Variants in KATNAL1 observed in about 807,000 individuals in gnomAD.
The protein encoded by KATNAL1 is katanin p60 ATPase-containing subunit A-like 1.
In KATNAL1, 32 loss-of-function variants were observed where a neutral mutation model predicts 55.2. The observed-to-expected ratio is 0.58, with a 90% CI of 0.44 to 0.78. The LOEUF (loss-of-function observed/expected upper bound fraction) is 0.78, where lower values mean the gene tolerates loss of function less well. KATNAL1 is among the 30% of genes least tolerant of loss of function. The pLI, the probability that KATNAL1 is intolerant of heterozygous loss-of-function variation, is 0.00. For missense variants in KATNAL1, 466 were observed against 600.9 expected, an observed-to-expected ratio of 0.78 and a Z score of 2.35; for synonymous variants, 193 against 193.6, an observed-to-expected ratio of 1.00 and a Z score of 0.02.
chr13:30,296,644 G>A (rs1882520421), intron 1 of KATNAL1: 1 of 687,058 alleles, frequency 1.5e-6, no homozygotes, highest in Non-Finnish European at 2.8e-6. Flanking sequence ...GACGAGCACA[G>A]GGAAGTTTGT....
At position 30,207,526 on chromosome 13, in the gene KATNAL1, AAAATC is replaced by A. The variant is rs1873261706; in HGVS notation, c.*1009_*1013del. The A allele has an allele frequency of 6.6e-6, 1 of 152,248 alleles. No individual in the cohort carries two copies. The highest frequency in any genetic ancestry group is 2.1e-4 in the South Asian group (1 of 4,836). The allele number at this position is 152,248 out of a possible 1,614,324, so 9.4% of individuals were successfully genotyped here. A position where few individuals can be genotyped will look rare whatever the true frequency, so the allele number is the denominator to read the frequency against. On this transcript the variant is annotated 3_prime_UTR_variant, in exon 11 of 11. Transcript: ENST00000380615. ...TGTAAAAGTATTTATCTCAAATACT[AAAATC>A]AAACTCAAGAAAAATCAAACAATGC...
intron 2 of KATNAL1, among the ~76,000 whole-genome samples, chr13:30,282,993 G>A (rs1478748925): frequency 1.3e-5 from 2 of 149,310 alleles, no homozygotes; most frequent in African/African-American, 4.9e-5. Context: ...AAATGGGCCA[G>A]GTACAGCGGC....
At chr13:30,250,374 TG>T (rs1878184497) in intron 4 of KATNAL1, among the ~76,000 whole-genome samples, 1 of 152,256 alleles carries the variant, frequency 6.6e-6, no homozygotes, top group Non-Finnish European at 1.5e-5. Context: ...AGCTCTAGCA[TG>T]TTTTTATTGT....
chr13:30,259,852 G>C (rs1191455888), intron 3 of KATNAL1, among the ~76,000 whole-genome samples: 2 of 152,224 alleles, frequency 1.3e-5, no homozygotes, highest in African/African-American at 2.4e-5. Context: ...CGGGAAGCTC[G>C]AACTGGGTGG....
chr13:30,225,991 T>C (rs899896373), intron 9 of KATNAL1, among the ~76,000 whole-genome samples: 2 of 152,060 alleles, frequency 1.3e-5, no homozygotes, highest in Non-Finnish European at 2.9e-5. Context: ...AATGACACTA[T>C]ACAAAAAGTA....
chr13:30,288,983 G>C (rs778491218), intron 1 of KATNAL1, among the ~76,000 whole-genome samples: 3 of 152,136 alleles, frequency 2.0e-5, no homozygotes, highest in Non-Finnish European at 4.4e-5. Flanking sequence ...CACTTTCACA[G>C]CTTTATTTGT....
Position 30,206,929 on chromosome 13 carries a change from AAAG to A in KATNAL1, c.*1608_*1610del, listed in dbSNP as rs1162163227. Reference sequence around the variant, plus strand: ...TGGCATCTTATAATCTGTGTCTCAGAAAGAAGGGCAATTTACAGCATCAGATGA... The same window carrying A: ...TGGCATCTTATAATCTGTGTCTCAGAAAGGGCAATTTACAGCATCAGATGA... On this transcript the variant is annotated 3_prime_UTR_variant, in exon 11 of 11. Transcript: ENST00000380615. 6.6e-6 allele frequency: 1 copy of A among 152,218 alleles called. No individual in the cohort carries two copies. The highest frequency in any genetic ancestry group is 2.4e-5 in the African/African-American group (1 of 41,464). The allele number at this position is 152,218 out of a possible 1,614,324, so 9.4% of individuals were successfully genotyped here.
Position 30,269,577 on chromosome 13 carries a change from G to C in KATNAL1, c.323+10486C>G, listed in dbSNP as rs1370034553. On this transcript the variant is annotated intron_variant, in intron 3 of 10. Coordinates refer to ENST00000380615, the MANE Select transcript of KATNAL1 (RefSeq NM_032116.5). The stretch of plus-strand genomic sequence containing the variant: ...CCCCTCTGCCTGGCTGCCCAGTCTG[G>C]AAAGTGAGGAGCGTCTCTGCCCGGC... 2.7e-5 allele frequency among the ~76,000 whole-genome samples: 4 copies of C among 147,086 alleles called. No homozygotes were observed. The East Asian group carries it at 8.1e-4, about 30-fold the overall frequency.
chr13:30,250,397 CTTATTCT>C (rs1878186656), intron 4 of KATNAL1, among the ~76,000 whole-genome samples: 1 of 152,130 alleles, frequency 6.6e-6, no homozygotes, highest in Non-Finnish European at 1.5e-5. Flanking sequence ...TCATTATCAT[CTTATTCT>C]TTAATGTGTA....
At chr13:30,286,891 G>A (rs1250367489) in intron 1 of KATNAL1, among the ~76,000 whole-genome samples, 1 of 152,232 alleles carries the variant, frequency 6.6e-6, no homozygotes, top group Non-Finnish European at 1.5e-5. Flanking sequence ...GGAGTCAAAG[G>A]AGATAATTTT....
chr13:30,227,441 T>C lies in KATNAL1; in HGVS notation c.1118A>G (p.Glu373Gly). The C allele has an allele frequency of 6.2e-7, 1 of 1,614,082 alleles. No homozygotes were observed. Residue 373 changes from glutamate to glycine, a missense_variant, in exon 9 of 11, where the codon GAA becomes GGA. This residue lies in a region of KATNAL1 where 213 missense variants were observed against 308.6 expected (regional missense o/e 0.69). Transcript: ENST00000380615. The stretch of plus-strand genomic sequence containing the variant: ...TGGGAGAGGTATATATATCCTTTTT[T>C]CTAACCTTCTTCGCAAAGCTTCATC... ...DIDEALRRRL[E>G]KRIYIPLPTA...
chr13:30,225,677 C>G (rs1875396441), intron 9 of KATNAL1, among the ~76,000 whole-genome samples: 1 of 141,650 alleles, frequency 7.1e-6, no homozygotes, highest in South Asian at 2.1e-4. Flanking sequence ...CACACACACA[C>G]ACACACACAA....
rs556373334 is a variant in KATNAL1 at position 30,210,565 on chromosome 13, G to A, written c.1148-123C>T. On this transcript the variant is annotated intron_variant, in intron 9 of 10. Coordinates refer to ENST00000380615, the MANE Select transcript of KATNAL1 (RefSeq NM_032116.5). ...TGCAAAGAAGAGTCAATAACTGTGT[G>A]TCCATTAGTATTATTACCAATTCAC... is the stretch of plus-strand genomic sequence containing the variant. 209 of 611,976 alleles carry A rather than the reference G, an allele frequency of 3.4e-4. 1 individual carries two copies. The South Asian group carries it at 4.4e-3, about 13-fold the overall frequency. 37.9% of individuals were successfully genotyped at this position (611,976 alleles called of 1,614,324 possible). A position where few individuals can be genotyped will look rare whatever the true frequency, so the allele number is the denominator to read the frequency against.
At chr13:30,253,202 T>G (rs533493383) in intron 4 of KATNAL1, among the ~76,000 whole-genome samples, 1 of 152,228 alleles carries the variant, frequency 6.6e-6, no homozygotes, top group Non-Finnish European at 1.5e-5. Flanking sequence ...CTGAGTCAAA[T>G]ATACCTTTCA....
At chr13:30,259,034 T>C (rs1483627770) in intron 3 of KATNAL1, among the ~76,000 whole-genome samples, 1 of 152,220 alleles carries the variant, frequency 6.6e-6, no homozygotes, top group East Asian at 1.9e-4. Context: ...CACTATGCTA[T>C]ACAACGTAAA....
intron 1 of KATNAL1, among the ~76,000 whole-genome samples, chr13:30,299,523 C>T (rs773594269): frequency 2.1e-4 from 32 of 152,114 alleles, no homozygotes; most frequent in Non-Finnish European, 2.1e-4. Flanking sequence ...AGAAGCTATA[C>T]TAAAATTATT....
rs201826018 is a variant in KATNAL1, at chr13:30,230,677, CA to C, written c.886-84del. 3.3e-3 allele frequency: 3,258 copies of C among 992,726 alleles called. 80 individuals are homozygous for C. The African/African-American group carries it at 0.046, about 14-fold the overall frequency. 61.5% of individuals were successfully genotyped at this position (992,726 alleles called of 1,614,324 possible). ...TTAAAAAAATCTTTTAAAACAATGG[CA>C]AAAGAGAGCAGAAACTTCTCACTGT... On this transcript the variant is annotated intron_variant, in intron 7 of 10. Transcript: ENST00000380615.
chr13:30,294,547 A>G lies in KATNAL1; in HGVS notation c.-14-10756T>C, dbSNP rs1330009799. On this transcript the variant is annotated intron_variant, in intron 1 of 10. Transcript: ENST00000380615. ...ACTGGTTTATGAGGTTTAAGGAAAG[A>G]AGCCTTTTCCATAACACAAAAGTGC... Among the ~76,000 whole-genome samples the G allele has an allele frequency of 2.0e-5, 3 of 152,260 alleles. No homozygotes were observed. The East Asian group carries it at 5.8e-4, about 29-fold the overall frequency.
At chr13:30,296,071 C>A in intron 1 of KATNAL1, 1 of 265,108 alleles carries the variant, frequency 3.8e-6, no homozygotes. Context: ...TAATTAGTCA[C>A]ATGGGCACTG....
Sources: gnomAD v4.1 joint callset for allele counts (sites outside exome capture counted in the v4.1 genomes callset) on GRCh38, gnomAD v4.1.1 for gene constraint, gnomAD v4.1.1 regional missense constraint, MANE v1.5 for transcripts, NCBI Gene and HGNC (gene_info 2026-07-23, HGNC 2026-07-21) for gene names.